Variants in PIK3CG observed in about 807,000 individuals in gnomAD.
The protein encoded by PIK3CG is phosphatidylinositol 4,5-bisphosphate 3-kinase catalytic subunit gamma isoform.
In PIK3CG, 55 loss-of-function variants were observed where a neutral mutation model predicts 102.3. The observed-to-expected ratio is 0.54, with a 90% CI of 0.43 to 0.67. PIK3CG has a LOEUF of 0.67. PIK3CG is among the 30% of genes least tolerant of loss of function. The probability of loss-of-function intolerance (pLI) is 0.00; values close to 1 mark genes in which losing one functional copy is unlikely to be tolerated. For synonymous variants in PIK3CG, 552 were observed against 540.0 expected, an observed-to-expected ratio of 1.02 and a Z score of -0.31; for missense variants, 1,258 against 1,391.8, an observed-to-expected ratio of 0.90 and a Z score of 1.53.
rs555283176 is a variant in PIK3CG, at chr7:106,887,253, G to T, written c.3030+961G>T. On this transcript the variant is annotated intron_variant, in intron 10 of 10. Transcript: ENST00000496166. ...GTAACTACTACTGTAATATACCTAT[G>T]TTATAGCAATACAAACACAAAACAA... Among the ~76,000 whole-genome samples, 54 of 152,288 alleles carry T rather than the reference G, an allele frequency of 3.5e-4. 1 individual carries two copies. In the South Asian group the frequency reaches 9.3e-3, roughly 26 times the overall value.
intron 2 of PIK3CG, among the ~76,000 whole-genome samples, chr7:106,870,751 A>T (rs2116474059): frequency 6.6e-6 from 1 of 152,346 alleles, no homozygotes; most frequent in Non-Finnish European, 1.5e-5. Context: ...TTTTCTGATA[A>T]GCATTTTGGA....
intron 9 of PIK3CG, 94 bp from the exon 10 acceptor site, chr7:106,886,041 A>G: frequency 8.8e-6 from 10 of 1,137,456 alleles, no homozygotes; most frequent in Non-Finnish European, 1.3e-5. Flanking sequence ...TGCTTTCAAC[A>G]CAAGATAGCT....
In PIK3CG at chr7:106,896,878, C is replaced by G. The variant is rs558878680; in HGVS notation, c.3031-8231C>G. On this transcript the variant is annotated intron_variant, in intron 10 of 10. Coordinates refer to ENST00000496166, the MANE Select transcript of PIK3CG (RefSeq NM_001282426.2). ...GTGTACCCTGCCCAGCCTTGACATA[C>G]AGAATGACACAAGCCTGACCTCAAT... Among the ~76,000 whole-genome samples the G allele has an allele frequency of 3.3e-5, 5 of 152,300 alleles. No homozygotes were observed. In the South Asian group the frequency reaches 6.2e-4, roughly 19 times the overall value.
chr7:106,872,659 G>A lies in PIK3CG; in HGVS notation c.2062-54G>A, dbSNP rs1562956974. On this transcript the variant is annotated intron_variant, in intron 3 of 10. Coordinates refer to ENST00000496166, the MANE Select transcript of PIK3CG (RefSeq NM_001282426.2). This position sits in a 1 kb window ranked among gnomAD's most constrained non-coding sequence, Gnocchi z 5.3. The stretch of plus-strand genomic sequence containing the variant: ...ATTTTAAGTTGCCAAGAATTAACTG[G>A]TAGACCTAAAGCATTAGTCATAATA... 2 of 1,592,476 alleles carry A rather than the reference G, an allele frequency of 1.3e-6. No homozygotes were observed. Among genetic ancestry groups the A allele is most frequent in the Non-Finnish European group, 1.7e-6 (2 of 1,160,240 alleles).
rs2116455101 is a variant in PIK3CG at position 106,868,989 on chromosome 7, C to T, written c.1428C>T (p.Arg476=). The change falls in exon 2 of 11, where the codon CGC becomes CGT. Residue 476 remains arginine, a synonymous_variant. Coordinates refer to ENST00000496166, the MANE Select transcript of PIK3CG (RefSeq NM_001282426.2). The surrounding 1 kb of genome is among the most constrained non-coding windows in gnomAD (Gnocchi z 6.2). ...TGATAGACCACCGTTTCCTCCTGCG[C>T]CGTGGAGAATACGTCCTCCACATGT... ...LLLIDHRFLL[R]RGEYVLHMWQ... The T allele has an allele frequency of 6.2e-7, 1 of 1,614,166 alleles. No homozygotes were observed. Among genetic ancestry groups the T allele is most frequent in the Non-Finnish European group, 8.5e-7 (1 of 1,180,026 alleles).
Position 106,879,670 on chromosome 7 carries a change from G to T in PIK3CG, c.2538+5G>T. Reference sequence around the variant, plus strand: ...CAAGACATGCTTATTTTACAGGTATGCTAATTTTAAGATTGTTTTCAATTA... The same window carrying T: ...CAAGACATGCTTATTTTACAGGTATTCTAATTTTAAGATTGTTTTCAATTA... On this transcript the variant is annotated splice_donor_5th_base_variant and intron_variant, in intron 6 of 10. Coordinates refer to ENST00000496166, the MANE Select transcript of PIK3CG (RefSeq NM_001282426.2). This position sits in a 1 kb window ranked among gnomAD's most constrained non-coding sequence, Gnocchi z 4.9. 1 of 1,603,152 alleles carries T rather than the reference G, an allele frequency of 6.2e-7. No individual in the cohort carries two copies. Among genetic ancestry groups the T allele is most frequent in the Non-Finnish European group, 8.5e-7 (1 of 1,173,422 alleles).
chr7:106,882,874 A>G (rs939594346), intron 7 of PIK3CG, 159 bp from the exon 8 acceptor site: 7 of 574,962 alleles, frequency 1.2e-5, no homozygotes, highest in African/African-American at 5.7e-5. Context: ...TCTATTCCTC[A>G]TAAGAAAACC....
rs1263708599 is a variant in PIK3CG, at chr7:106,877,384, C to T, written c.2392-2135C>T. On this transcript the variant is annotated intron_variant, in intron 5 of 10. Coordinates refer to ENST00000496166, the MANE Select transcript of PIK3CG (RefSeq NM_001282426.2). The surrounding 1 kb of genome is among the most constrained non-coding windows in gnomAD (Gnocchi z 4.5). ...TACCCTGCAGGGTACAGGATAGTCC[C>T]CCAGAACCAACACTATCCACCCCAA... is the stretch of plus-strand genomic sequence containing the variant. 6.6e-6 allele frequency among the ~76,000 whole-genome samples: 1 copy of T among 152,114 alleles called. No individual in the cohort carries two copies. The highest frequency in any genetic ancestry group is 2.4e-5 in the African/African-American group (1 of 41,402).
In PIK3CG at chr7:106,905,604, G is replaced by T. The variant is rs533502735; in HGVS notation, c.*217G>T. On this transcript the variant is annotated 3_prime_UTR_variant, in exon 11 of 11. Coordinates refer to ENST00000496166, the MANE Select transcript of PIK3CG (RefSeq NM_001282426.2). The surrounding 1 kb of genome is among the most constrained non-coding windows in gnomAD (Gnocchi z 5.6). ...AGTGCTAGGATTATTTGCAGGTTTG[G>T]TTTTTTCTCATTTGTCTGTGGCATT... 1.5e-5 allele frequency: 8 copies of T among 538,214 alleles called. No homozygotes were observed. The highest frequency in any genetic ancestry group is 1.2e-4 in the African/African-American group (6 of 52,092). The allele number at this position is 538,214 out of a possible 1,614,324, so 33.3% of individuals were successfully genotyped here. A position where few individuals can be genotyped will look rare whatever the true frequency, so the allele number is the denominator to read the frequency against.
rs542155244 is a variant in PIK3CG at position 106,905,362 on chromosome 7, A to G, written c.3284A>G (p.Lys1095Arg). The change falls in exon 11 of 11, where the codon AAA becomes AGA. Residue 1095 changes from lysine (K) to arginine (R), a missense_variant. Around this residue, in one of 2 missense-constraint regions of PIK3CG, gnomAD observed 426 missense variants for 604.2 expected, o/e 0.71. Transcript: ENST00000496166. The surrounding 1 kb of genome is among the most constrained non-coding windows in gnomAD (Gnocchi z 5.6). ...NWFLHLVLGI[K>R]QGEKHSA ...TTTCTACATCTTGTTCTTGGCATCAAACAAGGAGAGAAACATTCAGCCTAA... is the reference window on the plus strand; with the variant it reads ...TTTCTACATCTTGTTCTTGGCATCAGACAAGGAGAGAAACATTCAGCCTAA... The G allele has an allele frequency of 9.6e-5, 155 of 1,613,910 alleles. No individual in the cohort carries two copies. The South Asian group carries it at 1.2e-3, about 13-fold the overall frequency.
intron 2 of PIK3CG, among the ~76,000 whole-genome samples, chr7:106,871,871 A>G (rs1360581506): frequency 6.6e-6 from 1 of 152,238 alleles, no homozygotes; most frequent in Non-Finnish European, 1.5e-5. Context: ...AACACTAAAA[A>G]TGAAGATCAA....
chr7:106,899,272 T>A lies in PIK3CG; in HGVS notation c.3031-5837T>A, dbSNP rs1475685168. 3.9e-5 allele frequency among the ~76,000 whole-genome samples: 6 copies of A among 152,202 alleles called. No individual in the cohort carries two copies. The highest frequency in any genetic ancestry group is 3.9e-4 in the Admixed American group (6 of 15,284). On this transcript the variant is annotated intron_variant, in intron 10 of 10. Coordinates refer to ENST00000496166, the MANE Select transcript of PIK3CG (RefSeq NM_001282426.2). This position sits in a 1 kb window ranked among gnomAD's most constrained non-coding sequence, Gnocchi z 4.6. ...TGGAGGAGCTTTTAGGCAGAGACTA[T>A]GGGGTTTTCTAGATATAAAATCATG...
Position 106,884,013 on chromosome 7 carries a change from A to G in PIK3CG, c.2761-142A>G. ...CAATGAGAAAGTTGGCAATTCATAG[A>G]TATAATGCTAATGAAATCAGGCACA... On this transcript the variant is annotated intron_variant, in intron 8 of 10. Transcript: ENST00000496166. The surrounding 1 kb of genome is among the most constrained non-coding windows in gnomAD (Gnocchi z 4.2). The G allele has an allele frequency of 1.5e-6, 1 of 657,270 alleles. No individual in the cohort carries two copies. The highest frequency in any genetic ancestry group is 2.7e-6 in the Non-Finnish European group (1 of 373,076). The allele number at this position is 657,270 out of a possible 1,614,324, so 40.7% of individuals were successfully genotyped here. A position where few individuals can be genotyped will look rare whatever the true frequency, so the allele number is the denominator to read the frequency against.
rs1195097642 is a variant in PIK3CG at position 106,902,588 on chromosome 7, T to C, written c.3031-2521T>C. ...GTTTTTAGGTAAATTTTCCATCTCA[T>C]TTTAAGTTACTTTTTTTAATATTAA... On this transcript the variant is annotated intron_variant, in intron 10 of 10. Coordinates refer to ENST00000496166, the MANE Select transcript of PIK3CG (RefSeq NM_001282426.2). This position sits in a 1 kb window ranked among gnomAD's most constrained non-coding sequence, Gnocchi z 4.3. 1.3e-5 allele frequency among the ~76,000 whole-genome samples: 2 copies of C among 152,002 alleles called. No individual in the cohort carries two copies. Among genetic ancestry groups the C allele is most frequent in the Non-Finnish European group, 2.9e-5 (2 of 68,004 alleles).
In PIK3CG at chr7:106,880,828, A is replaced by G. The variant is rs951105123; in HGVS notation, c.2538+1163A>G. On this transcript the variant is annotated intron_variant, in intron 6 of 10. Transcript: ENST00000496166. This position sits in a 1 kb window ranked among gnomAD's most constrained non-coding sequence, Gnocchi z 4.2. ...GAAGTAACTAGGACTATAGGTGTGCACCACCATACCTGGCAAATTATATTT... is the reference window on the plus strand; with the variant it reads ...GAAGTAACTAGGACTATAGGTGTGCGCCACCATACCTGGCAAATTATATTT... Among the ~76,000 whole-genome samples, 1 of 152,012 alleles carries G rather than the reference A, an allele frequency of 6.6e-6. No individual in the cohort carries two copies. The highest frequency in any genetic ancestry group is 1.5e-5 in the Non-Finnish European group (1 of 67,984).
Position 106,867,594 on chromosome 7 carries a change from G to A in PIK3CG, c.33G>A (p.Val11=), listed in dbSNP as rs1790334608. Residue 11 remains valine, a synonymous_variant, in exon 2 of 11, where the codon GTG becomes GTA. Transcript: ENST00000496166. This position sits in a 1 kb window ranked among gnomAD's most constrained non-coding sequence, Gnocchi z 5.1. ...TGGAGAACTATAAACAGCCCGTGGT[G>A]CTGAGAGAGGACAACTGCCGAAGGC... is the stretch of plus-strand genomic sequence containing the variant. MELENYKQPV[V]LREDNCRRRR... 3 of 1,602,678 alleles carry A rather than the reference G, an allele frequency of 1.9e-6. No homozygotes were observed. Among genetic ancestry groups the A allele is most frequent in the Non-Finnish European group, 2.6e-6 (3 of 1,174,782 alleles).
chr7:106,901,414 T>G (rs1419044045), intron 10 of PIK3CG, among the ~76,000 whole-genome samples: 3 of 152,230 alleles, frequency 2.0e-5, no homozygotes, highest in Non-Finnish European at 4.4e-5. Flanking sequence ...GTCAGACCCA[T>G]TAGGTTCATT....
intron 10 of PIK3CG, 150 bp from the exon 11 acceptor site, chr7:106,904,959 T>C (rs984318343): frequency 1.5e-6 from 1 of 678,708 alleles, no homozygotes; most frequent in Non-Finnish European, 2.5e-6. Flanking sequence ...AAACAGTTTC[T>C]CATCAAGTTT....
rs2116484541 is a variant in PIK3CG, at chr7:106,872,702, C to T, written c.2062-11C>T. The T allele has an allele frequency of 6.2e-7, 1 of 1,610,396 alleles. No homozygotes were observed. Among genetic ancestry groups the T allele is most frequent in the Non-Finnish European group, 8.5e-7 (1 of 1,176,566 alleles). On this transcript the variant is annotated splice_polypyrimidine_tract_variant and intron_variant, in intron 3 of 10. Coordinates refer to ENST00000496166, the MANE Select transcript of PIK3CG (RefSeq NM_001282426.2). The surrounding 1 kb of genome is among the most constrained non-coding windows in gnomAD (Gnocchi z 5.3). The stretch of plus-strand genomic sequence containing the variant: ...TCATAATAATTTCAACTTTCTTGTA[C>T]CTGCCCTCAGAACAAAAGAATTGGT...
Sources: allele counts gnomAD v4.1 joint callset (sites outside exome capture counted in the v4.1 genomes callset), GRCh38; gene constraint gnomAD v4.1.1; regional missense constraint gnomAD v4.1.1; non-coding constraint Gnocchi (gnomAD v3.1); transcripts MANE v1.5; gene names NCBI Gene and HGNC (gene_info 2026-07-23, HGNC 2026-07-21).